The following TLN2 variants were observed in gnomAD, a reference collection of about 807,000 sequenced individuals.
TLN2 encodes talin 2.
In TLN2, 118 loss-of-function variants were observed where a neutral mutation model predicts 294.7. That is an observed-to-expected ratio of 0.40 (90% CI 0.34 to 0.47). TLN2 has a LOEUF of 0.47. Among genes scored for constraint, TLN2 ranks in the 20% least tolerant of loss-of-function variants. The pLI, the probability that TLN2 is intolerant of heterozygous loss-of-function variation, is 0.84. For synonymous variants in TLN2, 1,431 were observed against 1,304.5 expected, an observed-to-expected ratio of 1.10 and a Z score of -2.09; for missense variants, 3,083 against 3,282.2, an observed-to-expected ratio of 0.94 and a Z score of 1.48.
intron 3 of TLN2, among the ~76,000 whole-genome samples, chr15:62,640,956 C>T (rs1168232046): frequency 6.6e-6 from 1 of 152,024 alleles, no homozygotes; most frequent in African/African-American, 2.4e-5. Context: ...CGCCCGCCAC[C>T]ATGCTCGGCT....
intron 1 of TLN2, among the ~76,000 whole-genome samples, chr15:62,564,776 G>T (rs1243695959): frequency 2.6e-5 from 4 of 151,470 alleles, no homozygotes; most frequent in African/African-American, 4.9e-5. Context: ...GCATGGTGTC[G>T]GGCGCCTGTA....
At chr15:62,404,460 TCTC>T (rs754528311) in intron 1 of TLN2, among the ~76,000 whole-genome samples, 1 of 152,138 alleles carries the variant, frequency 6.6e-6, no homozygotes, top group Non-Finnish European at 1.5e-5. Context: ...GTCTCCTTCT[TCTC>T]CTAAGCATTT....
chr15:62,671,249 T>C (rs1035031311), intron 9 of TLN2, among the ~76,000 whole-genome samples: 4 of 152,230 alleles, frequency 2.6e-5, no homozygotes. Context: ...GCTTTCTTGA[T>C]GGTGGTATCT....
At position 62,512,315 on chromosome 15, in the gene TLN2, C is replaced by T. The variant is rs116024369; in HGVS notation, c.-237-77372C>T. Among the ~76,000 whole-genome samples, 924 of 152,214 alleles carry T rather than the reference C, an allele frequency of 6.1e-3. 12 individuals carry two copies. The highest frequency in any genetic ancestry group is 0.022 in the African/African-American group (897 of 41,512). ...CGGTTGTCTATTCTCAGAAGAGGCTCACTTCTGGACCTCTCGGTTCAGAAA... is the reference window on the plus strand; with the variant it reads ...CGGTTGTCTATTCTCAGAAGAGGCTTACTTCTGGACCTCTCGGTTCAGAAA... On this transcript the variant is annotated intron_variant, in intron 1 of 58. Coordinates refer to ENST00000636159, the MANE Select transcript of TLN2 (RefSeq NM_015059.3).
chr15:62,750,395 T>TC lies in TLN2; in HGVS notation c.4120-6dup. The TC allele has an allele frequency of 1.9e-6, 3 of 1,613,248 alleles. No homozygotes were observed. Among genetic ancestry groups the TC allele is most frequent in the Non-Finnish European group, 2.5e-6 (3 of 1,179,154 alleles). On this transcript the variant is annotated splice_polypyrimidine_tract_variant and splice_region_variant and intron_variant, in intron 33 of 58. Transcript: ENST00000636159. ...CTTGCTTTTTATGTTGTGTTCTTCTTCTGTAGACTGTGAAGGGGATGTTGG... is the reference window on the plus strand; with the variant it reads ...CTTGCTTTTTATGTTGTGTTCTTCTTCCTGTAGACTGTGAAGGGGATGTTGG...
chr15:62,632,671 T>C (rs2050021682), intron 3 of TLN2, among the ~76,000 whole-genome samples: 1 of 152,218 alleles, frequency 6.6e-6, no homozygotes, highest in African/African-American at 2.4e-5. Context: ...TTGTGCATTA[T>C]AGGTTATTGA....
At chr15:62,497,443 A>G (rs973824805) in intron 1 of TLN2, among the ~76,000 whole-genome samples, 22 of 152,188 alleles carry the variant, frequency 1.4e-4, no homozygotes, top group African/African-American at 4.8e-4. Context: ...CCCCAGTGGT[A>G]CTTTCCTCTG....
chr15:62,531,970 A>G (rs1256848443), intron 1 of TLN2, among the ~76,000 whole-genome samples: 4 of 152,106 alleles, frequency 2.6e-5, no homozygotes, highest in Non-Finnish European at 5.9e-5. Context: ...GGTGTGATCC[A>G]TCATGGAAAG....
At chr15:62,813,741 A>G (rs887999375) in intron 52 of TLN2, among the ~76,000 whole-genome samples, 1 of 152,154 alleles carries the variant, frequency 6.6e-6, no homozygotes, top group African/African-American at 2.4e-5. Flanking sequence ...TACATTTGAT[A>G]CATTCTCTAG....
At chr15:62,659,912 G>T (rs1168509357) in intron 9 of TLN2, among the ~76,000 whole-genome samples, 2 of 152,134 alleles carry the variant, frequency 1.3e-5, no homozygotes, top group Non-Finnish European at 2.9e-5. Flanking sequence ...AAACAGCGAG[G>T]CCACATTTTG....
intron 1 of TLN2, among the ~76,000 whole-genome samples, chr15:62,482,428 C>T (rs1011149274): frequency 1.3e-5 from 2 of 151,114 alleles, no homozygotes; most frequent in East Asian, 4.0e-4. Flanking sequence ...CATGGAGAAA[C>T]CCCATCTCTG....
chr15:62,396,078 C>A (rs567835614), intron 1 of TLN2, among the ~76,000 whole-genome samples: 1 of 152,272 alleles, frequency 6.6e-6, no homozygotes, highest in South Asian at 2.1e-4. Context: ...AAGTGATCCA[C>A]CCGCCTTGGC....
chr15:62,469,378 G>C (rs1272968361), intron 1 of TLN2, among the ~76,000 whole-genome samples: 1 of 152,166 alleles, frequency 6.6e-6, no homozygotes, highest in Admixed American at 6.5e-5. Flanking sequence ...AGAAATACAT[G>C]GCTTTTGTGT....
chr15:62,647,322 G>C lies in TLN2; in HGVS notation c.12G>C (p.Leu4=). 6.2e-7 allele frequency: 1 copy of C among 1,614,060 alleles called. No individual in the cohort carries two copies. Among genetic ancestry groups the C allele is most frequent in the Non-Finnish European group, 8.5e-7 (1 of 1,180,014 alleles). The part of the protein sequence containing the change: MVA[L]SLKICVRHCN... Reference sequence around the variant, plus strand: ...CATCATCTAGGAAAATGGTGGCCCTGTCCTTAAAGATTTGTGTGCGCCACT... The same window carrying C: ...CATCATCTAGGAAAATGGTGGCCCTCTCCTTAAAGATTTGTGTGCGCCACT... Residue 4 remains leucine (L), a synonymous_variant, in exon 4 of 59, where the codon CTG becomes CTC. Coordinates refer to ENST00000636159, the MANE Select transcript of TLN2 (RefSeq NM_015059.3).
intron 17 of TLN2, among the ~76,000 whole-genome samples, chr15:62,701,718 G>A (rs935845458): frequency 5.9e-5 from 9 of 152,276 alleles, no homozygotes; most frequent in African/African-American, 1.9e-4. Context: ...GCTGACAGGG[G>A]CCTAATGAAA....
intron 1 of TLN2, among the ~76,000 whole-genome samples, chr15:62,524,340 G>A (rs907627011): frequency 6.6e-6 from 1 of 152,132 alleles, no homozygotes; most frequent in African/African-American, 2.4e-5. Flanking sequence ...GAGTTTTTCT[G>A]TTAACAATTT....
At chr15:62,590,029 T>A (rs1304237009) in intron 2 of TLN2, among the ~76,000 whole-genome samples, 3 of 152,150 alleles carry the variant, frequency 2.0e-5, no homozygotes, top group African/African-American at 7.2e-5. Flanking sequence ...GTTTTTGTTT[T>A]AATCATATTG....
chr15:62,789,552 G>A (rs2064930782), intron 45 of TLN2, among the ~76,000 whole-genome samples: 1 of 152,180 alleles, frequency 6.6e-6, no homozygotes, highest in Admixed American at 6.5e-5. Flanking sequence ...GAACACAAAA[G>A]TGTTGTTGAG....
At chr15:62,797,194 T>TCCCCTGCC (rs1484908539) in intron 47 of TLN2, 25 bp from the exon 48 acceptor site, 7 of 1,613,568 alleles carry the variant, frequency 4.3e-6, no homozygotes, top group Non-Finnish European at 5.9e-6. Flanking sequence ...TCTCCCCCTC[T>TCCCCTGCC]CCCCTGCCCT....
Sources: gnomAD v4.1 joint callset for allele counts (sites outside exome capture counted in the v4.1 genomes callset) on GRCh38, gnomAD v4.1.1 for gene constraint, MANE v1.5 for transcripts, NCBI Gene and HGNC (gene_info 2026-07-23, HGNC 2026-07-21) for gene names.